OSBPL9: variants seen among roughly 807,000 people sequenced by gnomAD.
OSBPL9 encodes oxysterol-binding protein-related protein 9.
A neutral mutation model predicts 106.6 loss-of-function variants in OSBPL9; 40 were observed. The observed-to-expected ratio is 0.38, with a 90% confidence interval of 0.29 to 0.49. OSBPL9 has a LOEUF of 0.49. Among genes scored for constraint, OSBPL9 ranks in the 20% least tolerant of loss-of-function variants. OSBPL9 has a pLI of 0.97. For synonymous variants in OSBPL9, 269 were observed against 295.4 expected, an observed-to-expected ratio of 0.91 and a Z score of 0.92; for missense variants, 609 against 887.2, an observed-to-expected ratio of 0.69 and a Z score of 3.98.
Position 51,765,824 on chromosome 1 carries a change from A to G in OSBPL9, c.781A>G (p.Ser261Gly), listed in dbSNP as rs1447961869. Residue 261 changes from serine to glycine, a missense_variant and splice_region_variant, in exon 12 of 24, where the codon AGT becomes GGT. By Grantham distance (56) the Ser-to-Gly change is moderately conservative. Transcript: ENST00000428468. The stretch of plus-strand genomic sequence containing the variant: ...CTAAAACCCTTTTAACTTCCTAGGC[A>G]GTGGCCATTCACCACCGAGTAGCAG... The part of the protein sequence containing the change: ...HQTPTPNSTG[S>G]GHSPPSSSLT... 3.7e-6 allele frequency: 6 copies of G among 1,610,700 alleles called. No individual in the cohort carries two copies. The highest frequency in any genetic ancestry group is 2.2e-5 in the South Asian group (2 of 90,420).
the OSBPL9 span, among the ~76,000 whole-genome samples, chr1:51,564,826 T>C: frequency 6.6e-6 from 1 of 152,234 alleles, no homozygotes; most frequent in Admixed American, 6.5e-5. Flanking sequence ...CATAGAGGCC[T>C]GCAGCCTCTC....
intron 3 of OSBPL9, among the ~76,000 whole-genome samples, chr1:51,711,767 C>A (rs1660016646): frequency 6.7e-6 from 1 of 150,300 alleles, no homozygotes; most frequent in African/African-American, 2.5e-5. Flanking sequence ...CTCCTCACAT[C>A]CCAGATGGGG....
At chr1:51,699,382 C>G (rs1656761104) in intron 3 of OSBPL9, among the ~76,000 whole-genome samples, 1 of 152,086 alleles carries the variant, frequency 6.6e-6, no homozygotes, top group Non-Finnish European at 1.5e-5. Flanking sequence ...CCCTCTCACC[C>G]AGACACACAC....
the OSBPL9 span, among the ~76,000 whole-genome samples, chr1:51,548,931 C>T: frequency 6.6e-6 from 1 of 152,180 alleles, no homozygotes; most frequent in Non-Finnish European, 1.5e-5. Flanking sequence ...TCATATCAGA[C>T]TGGCATCCCT....
At chr1:51,757,441 A>G (rs1571581248) in intron 9 of OSBPL9, among the ~76,000 whole-genome samples, 1 of 151,944 alleles carries the variant, frequency 6.6e-6, no homozygotes, top group Non-Finnish European at 1.5e-5. Context: ...CTAGCATTTT[A>G]TGGTCTCCAA....
At chr1:51,589,177 C>T (rs531995783) in intron 1 of OSBPL9, among the ~76,000 whole-genome samples, 14 of 152,138 alleles carry the variant, frequency 9.2e-5, no homozygotes, top group African/African-American at 3.4e-4. Flanking sequence ...CAGCCTTGAA[C>T]TCCCGGGCTC....
intron 2 of OSBPL9, among the ~76,000 whole-genome samples, chr1:51,661,123 A>C (rs1002763961): frequency 6.6e-6 from 1 of 152,228 alleles, no homozygotes; most frequent in African/African-American, 2.4e-5. Flanking sequence ...TCATTTAAGC[A>C]GTGATGAAAA....
intron 1 of OSBPL9, among the ~76,000 whole-genome samples, chr1:51,588,227 A>T (rs1278891845): frequency 6.6e-6 from 1 of 152,162 alleles, no homozygotes; most frequent in African/African-American, 2.4e-5. Flanking sequence ...TACTAAAAAT[A>T]CAAAATTAGC....
chr1:51,636,152 GTTTTTTTTTTTTTT>G (rs35303378), intron 1 of OSBPL9, among the ~76,000 whole-genome samples: 1 of 64,116 alleles, frequency 1.6e-5, no homozygotes, highest in East Asian at 4.9e-4. Context: ...TCTCTCTCTT[GTTTTTTTTTTTTTT>G]TTTTTTTTTT....
At chr1:51,656,093 T>A (rs761513095) in intron 2 of OSBPL9, among the ~76,000 whole-genome samples, 1 of 152,232 alleles carries the variant, frequency 6.6e-6, no homozygotes, top group Non-Finnish European at 1.5e-5. Context: ...AATTATGTTG[T>A]GTAACCAAGA....
upstream of OSBPL9, among the ~76,000 whole-genome samples, chr1:51,615,359 C>T (rs1400802802): frequency 6.6e-6 from 1 of 152,236 alleles, no homozygotes; most frequent in Non-Finnish European, 1.5e-5. Flanking sequence ...ATACTCTCTG[C>T]TCTTCTTTCT....
At chr1:51,584,411 T>G (rs926933877) in intron 1 of OSBPL9, among the ~76,000 whole-genome samples, 1 of 152,132 alleles carries the variant, frequency 6.6e-6, no homozygotes, top group African/African-American at 2.4e-5. Flanking sequence ...AAGGGTTGGA[T>G]TCTAAAGGCC....
At chr1:51,519,947 T>C in the OSBPL9 span, among the ~76,000 whole-genome samples, 1 of 152,248 alleles carries the variant, frequency 6.6e-6, no homozygotes, top group Non-Finnish European at 1.5e-5. Flanking sequence ...TTAGATTGTT[T>C]AACAAGGGAA....
the OSBPL9 span, among the ~76,000 whole-genome samples, chr1:51,536,797 G>T: frequency 6.6e-6 from 1 of 152,176 alleles, no homozygotes; most frequent in African/African-American, 2.4e-5. Context: ...AGAAATCCTA[G>T]TTATATGATG....
intron 4 of OSBPL9, among the ~76,000 whole-genome samples, chr1:51,743,824 G>A (rs1366076886): frequency 1.3e-5 from 2 of 152,098 alleles, no homozygotes; most frequent in Non-Finnish European, 2.9e-5. Flanking sequence ...GAAATATGAT[G>A]TACTTATCCA....
intron 1 of OSBPL9, among the ~76,000 whole-genome samples, chr1:51,649,255 C>T (rs1166796114): frequency 2.0e-5 from 3 of 152,096 alleles, no homozygotes; most frequent in Non-Finnish European, 4.4e-5. Flanking sequence ...TACAGGTGTG[C>T]ACCACCATGC....
At chr1:51,648,569 C>T (rs1213935705) in intron 1 of OSBPL9, among the ~76,000 whole-genome samples, 2 of 152,168 alleles carry the variant, frequency 1.3e-5, no homozygotes, top group Admixed American at 1.3e-4. Context: ...ACCAGCTTCC[C>T]TATAGCCCCG....
chr1:51,607,839 A>T (rs751634719), intron 2 of OSBPL9, among the ~76,000 whole-genome samples: 3 of 152,236 alleles, frequency 2.0e-5, no homozygotes, highest in Non-Finnish European at 4.4e-5. Flanking sequence ...AAAGTTTATT[A>T]AAAAATTTTA....
chr1:51,636,150 T>G (rs1166038006), intron 1 of OSBPL9, among the ~76,000 whole-genome samples: 4 of 143,352 alleles, frequency 2.8e-5, no homozygotes, highest in Admixed American at 2.1e-4. Context: ...TCTCTCTCTC[T>G]TGTTTTTTTT....
Sources: gnomAD v4.1 joint callset for allele counts (sites outside exome capture counted in the v4.1 genomes callset) on GRCh38, gnomAD v4.1.1 for gene constraint, MANE v1.5 for transcripts, NCBI Gene and HGNC (gene_info 2026-07-23, HGNC 2026-07-21) for gene names.